GALNT10: variants seen among roughly 807,000 people sequenced by gnomAD.
GALNT10 encodes polypeptide N-acetylgalactosaminyltransferase 10.
GALNT10 carries 41 observed loss-of-function variants against 75.0 expected under a neutral mutation model. The observed-to-expected ratio is 0.55, with a 90% confidence interval of 0.43 to 0.71. The LOEUF (loss-of-function observed/expected upper bound fraction) is 0.71, where lower values mean the gene tolerates loss of function less well. GALNT10 is among the 30% of genes least tolerant of loss of function. The pLI, the probability that GALNT10 is intolerant of heterozygous loss-of-function variation, is 0.00. For synonymous variants in GALNT10, 302 were observed against 313.0 expected, an observed-to-expected ratio of 0.96 and a Z score of 0.37; for missense variants, 727 against 818.5, an observed-to-expected ratio of 0.89 and a Z score of 1.36.
intron 4 of GALNT10, among the ~76,000 whole-genome samples, chr5:154,367,995 T>C (rs1581995019): frequency 1.3e-5 from 2 of 152,228 alleles, no homozygotes; most frequent in Admixed American, 6.5e-5. Flanking sequence ...ATGGCCTAGG[T>C]TGATTTTTCT....
At chr5:154,408,288 G>A (rs932341420) in intron 8 of GALNT10, among the ~76,000 whole-genome samples, 4 of 152,142 alleles carry the variant, frequency 2.6e-5, no homozygotes, top group Non-Finnish European at 5.9e-5. Flanking sequence ...AGGTGCAAAT[G>A]ACTGATAACA....
intron 1 of GALNT10, among the ~76,000 whole-genome samples, chr5:154,281,221 A>G (rs1181959880): frequency 1.3e-5 from 2 of 152,150 alleles, no homozygotes; most frequent in African/African-American, 4.8e-5. Flanking sequence ...ATTTATTTAG[A>G]TCTTTGATTT....
intron 1 of GALNT10, among the ~76,000 whole-genome samples, chr5:154,259,621 C>G (rs969949494): frequency 6.6e-6 from 1 of 152,040 alleles, no homozygotes; most frequent in Admixed American, 6.6e-5. Context: ...GGGCAGCAGC[C>G]CAGCAGCCTC....
chr5:154,410,030 T>G (rs4958735), intron 9 of GALNT10, among the ~76,000 whole-genome samples: 125,239 of 152,228 alleles, frequency 0.82, 51,675 homozygotes, highest in African/African-American at 0.89. Context: ...AATTTAAAAT[T>G]CAGATTAACA....
intron 1 of GALNT10, among the ~76,000 whole-genome samples, chr5:154,215,815 G>A (rs1328028727): frequency 6.6e-6 from 1 of 152,236 alleles, no homozygotes; most frequent in Non-Finnish European, 1.5e-5. Context: ...CTCTGTAGCA[G>A]AAGCTACTGA....
intron 1 of GALNT10, among the ~76,000 whole-genome samples, chr5:154,194,219 C>CT (rs1735502157): frequency 6.6e-6 from 1 of 152,208 alleles, no homozygotes; most frequent in South Asian, 2.1e-4. Context: ...ATACCGGTGA[C>CT]TTTAATTTTC....
rs1465249882 is a variant in GALNT10 at position 154,299,344 on chromosome 5, A to G, written c.401+1265A>G. Among the ~76,000 whole-genome samples, 2 of 152,212 alleles carry G rather than the reference A, an allele frequency of 1.3e-5. 1 individual carries two copies. Among genetic ancestry groups the G allele is most frequent in the African/African-American group, 4.8e-5 (2 of 41,450 alleles). On this transcript the variant is annotated intron_variant, in intron 3 of 11. Transcript: ENST00000297107. ...CCACTGTTTCAGGTATTTTAAGTAT[A>G]TTAACTCAGTCAAATCTTCTAAAAT...
At chr5:154,234,295 G>A (rs899817594) in intron 1 of GALNT10, among the ~76,000 whole-genome samples, 15 of 152,192 alleles carry the variant, frequency 9.9e-5, no homozygotes, top group African/African-American at 2.9e-4. Flanking sequence ...GCCCATGGTG[G>A]TGGCTTTGAT....
At chr5:154,230,356 G>T (rs1347240364) in intron 1 of GALNT10, among the ~76,000 whole-genome samples, 2 of 152,152 alleles carry the variant, frequency 1.3e-5, no homozygotes, top group Admixed American at 6.5e-5. Context: ...GTCCCCAAGG[G>T]GTTTACTAGT....
chr5:154,296,685 G>A (rs1450023675), intron 2 of GALNT10, among the ~76,000 whole-genome samples: 1 of 152,132 alleles, frequency 6.6e-6, no homozygotes, highest in African/African-American at 2.4e-5. Context: ...ACATAGCTGG[G>A]GATGGTAGGG....
chr5:154,233,272 G>A lies in GALNT10; in HGVS notation c.159+42247G>A, dbSNP rs185978648. Among the ~76,000 whole-genome samples the A allele has an allele frequency of 4.2e-3, 641 of 152,246 alleles. 3 individuals carry two copies. Among genetic ancestry groups the A allele is most frequent in the Non-Finnish European group, 6.2e-3 (424 of 68,010 alleles). ...ACTCTCAGATAAGATTTTCTGTAGC[G>A]GGGTTGTATCAATGTTAACTTGCAG... On this transcript the variant is annotated intron_variant, in intron 1 of 11. Coordinates refer to ENST00000297107, the MANE Select transcript of GALNT10 (RefSeq NM_198321.4).
intron 1 of GALNT10, among the ~76,000 whole-genome samples, chr5:154,259,469 A>G (rs533522333): frequency 2.6e-4 from 39 of 152,298 alleles, no homozygotes; most frequent in Admixed American, 9.2e-4. Context: ...TTTGCAATTA[A>G]TAGGTATCTT....
intron 6 of GALNT10, among the ~76,000 whole-genome samples, chr5:154,381,633 A>G (rs1178083494): frequency 6.6e-6 from 1 of 152,248 alleles, no homozygotes; most frequent in Non-Finnish European, 1.5e-5. Context: ...GGCTAAAATC[A>G]TAGTGTCGGC....
At chr5:154,273,227 G>C (rs768783049) in intron 1 of GALNT10, among the ~76,000 whole-genome samples, 13 of 152,192 alleles carry the variant, frequency 8.5e-5, no homozygotes, top group Non-Finnish European at 1.8e-4. Context: ...TTCCTGTCTA[G>C]TGGCCCAGTT....
chr5:154,382,024 A>G (rs982328759), intron 6 of GALNT10, among the ~76,000 whole-genome samples: 3 of 152,246 alleles, frequency 2.0e-5, no homozygotes, highest in Non-Finnish European at 4.4e-5. Context: ...AGACACTGCC[A>G]TAACTGGGGA....
At position 154,330,002 on chromosome 5, in the gene GALNT10, C is replaced by A. The variant is rs908620094; in HGVS notation, c.568+264C>A. The A allele has an allele frequency of 2.2e-4, 65 of 291,892 alleles. 1 individual carries two copies. The highest frequency in any genetic ancestry group is 1.4e-3 in the African/African-American group (64 of 45,686). 18.1% of individuals were successfully genotyped at this position (291,892 alleles called of 1,614,324 possible). A position where few individuals can be genotyped will look rare whatever the true frequency, so the allele number is the denominator to read the frequency against. ...ACAGAAAACTTGATAAACAATAACT[C>A]AAACAAGTGTAAGGATTCATTCACT... On this transcript the variant is annotated intron_variant, in intron 4 of 11. Transcript: ENST00000297107.
At chr5:154,337,893 T>G in intron 4 of GALNT10, 1 of 1,296,008 alleles carries the variant, frequency 7.7e-7, no homozygotes, top group Non-Finnish European at 1.1e-6. Flanking sequence ...TGACAGGGCT[T>G]TCCTAACTTT....
At chr5:154,310,912 AC>A (rs1411196792) in intron 3 of GALNT10, among the ~76,000 whole-genome samples, 1 of 152,228 alleles carries the variant, frequency 6.6e-6, no homozygotes, top group Non-Finnish European at 1.5e-5. Context: ...GTGCTCATAT[AC>A]CTTAAAATAA....
chr5:154,413,871 A>G (rs1343133268), intron 10 of GALNT10, among the ~76,000 whole-genome samples: 1 of 152,252 alleles, frequency 6.6e-6, no homozygotes, highest in Non-Finnish European at 1.5e-5. Context: ...ACAGATGGGA[A>G]GAAAATGTTT....
Sources: gnomAD v4.1 joint callset for allele counts (sites outside exome capture counted in the v4.1 genomes callset) on GRCh38, gnomAD v4.1.1 for gene constraint, MANE v1.5 for transcripts, NCBI Gene and HGNC (gene_info 2026-07-23, HGNC 2026-07-21) for gene names.